CLNK: variants seen among roughly 807,000 people sequenced by gnomAD.
The protein encoded by CLNK is cytokine dependent hematopoietic cell linker, also known as cytokine-dependent hematopoietic cell linker.
In CLNK, 74 loss-of-function variants were observed where a neutral mutation model predicts 68.6. The observed-to-expected ratio is 1.08, with a 90% CI of 0.89 to 1.31. The LOEUF is 1.31. CLNK is among the 50% of genes most tolerant of loss of function. The probability of loss-of-function intolerance (pLI) is 0.00; values close to 1 mark genes in which losing one functional copy is unlikely to be tolerated. For missense variants in CLNK, 553 were observed against 515.3 expected (o/e 1.07, Z -0.71); for synonymous variants, 198 against 172.2 (o/e 1.15, Z -1.17).
chr4:10,614,559 C>T (rs1560242786), intron 2 of CLNK, among the ~76,000 whole-genome samples: 1 of 152,122 alleles, frequency 6.6e-6, no homozygotes, highest in Non-Finnish European at 1.5e-5. Flanking sequence ...AAGTGTGGTT[C>T]CCAGACCAGC....
intron 18 of CLNK, among the ~76,000 whole-genome samples, chr4:10,491,948 C>G (rs1164952049): frequency 6.6e-6 from 1 of 152,094 alleles, no homozygotes; most frequent in Non-Finnish European, 1.5e-5. Context: ...CCTCTCTGAG[C>G]CTTCAATGTC....
chr4:10,634,356 C>A (rs1300693429), intron 2 of CLNK, among the ~76,000 whole-genome samples: 2 of 152,206 alleles, frequency 1.3e-5, no homozygotes, highest in African/African-American at 4.8e-5. Context: ...AGGCTGGAGA[C>A]CCCACTGTTT....
chr4:10,582,979 T>C (rs1720836657), intron 4 of CLNK, among the ~76,000 whole-genome samples: 2 of 152,206 alleles, frequency 1.3e-5, no homozygotes, highest in Admixed American at 1.3e-4. Context: ...TATCAACATA[T>C]CCATGGCAAT....
chr4:10,605,268 A>G (rs1347117083), intron 2 of CLNK, among the ~76,000 whole-genome samples: 1 of 152,174 alleles, frequency 6.6e-6, no homozygotes, highest in Non-Finnish European at 1.5e-5. Flanking sequence ...ATGTATATAC[A>G]GTGACACATC....
At chr4:10,577,120 T>G (rs994642493) in intron 4 of CLNK, among the ~76,000 whole-genome samples, 12 of 152,126 alleles carry the variant, frequency 7.9e-5, no homozygotes, top group Admixed American at 3.9e-4. Context: ...CCTGCAGAGG[T>G]TTAGCACTCT....
intron 2 of CLNK, among the ~76,000 whole-genome samples, chr4:10,610,232 A>AT (rs1721959270): frequency 6.8e-6 from 1 of 146,476 alleles, no homozygotes; most frequent in Non-Finnish European, 1.5e-5. Context: ...AATTTTTTGT[A>AT]TTTTTAGTAG....
At chr4:10,524,188 A>G (rs1450468105) in intron 14 of CLNK, among the ~76,000 whole-genome samples, 4 of 152,112 alleles carry the variant, frequency 2.6e-5, no homozygotes, top group Non-Finnish European at 5.9e-5. Flanking sequence ...ACAGTCCCCA[A>G]AGCACAATGA....
chr4:10,686,996 G>T (rs771878332), upstream of CLNK, among the ~76,000 whole-genome samples: 2 of 152,022 alleles, frequency 1.3e-5, no homozygotes, highest in Non-Finnish European at 2.9e-5. Flanking sequence ...AATACAATTA[G>T]ATAAGAGATA....
intron 14 of CLNK, among the ~76,000 whole-genome samples, chr4:10,521,358 G>A (rs1010328824): frequency 2.6e-5 from 4 of 152,144 alleles, no homozygotes; most frequent in East Asian, 1.9e-4. Flanking sequence ...ATAACAATAT[G>A]CATTTCTAAA....
At chr4:10,625,747 CAG>C (rs1722642791) in intron 2 of CLNK, among the ~76,000 whole-genome samples, 1 of 151,894 alleles carries the variant, frequency 6.6e-6, no homozygotes, top group African/African-American at 2.4e-5. Flanking sequence ...AATAGAGAGA[CAG>C]AGAGTGACAG....
chr4:10,516,204 A>G (rs997075164), intron 15 of CLNK, among the ~76,000 whole-genome samples: 1 of 152,194 alleles, frequency 6.6e-6, no homozygotes, highest in Non-Finnish European at 1.5e-5. Flanking sequence ...ATATATAAAC[A>G]TTATGTAAGT....
At chr4:10,574,956 A>G (rs957027499) in intron 4 of CLNK, among the ~76,000 whole-genome samples, 1 of 152,164 alleles carries the variant, frequency 6.6e-6, no homozygotes, top group Non-Finnish European at 1.5e-5. Flanking sequence ...TGAAAGGGAC[A>G]GGAATTGCTC....
At chr4:10,509,498 G>T (rs1472015490) in intron 16 of CLNK, among the ~76,000 whole-genome samples, 4 of 150,238 alleles carry the variant, frequency 2.7e-5, no homozygotes, top group Non-Finnish European at 3.0e-5. Flanking sequence ...GCATTCTTTT[G>T]CATCAAGATT....
Position 10,591,041 on chromosome 4 carries a change from G to A in CLNK, c.84-6086C>T, listed in dbSNP as rs1267299571. ...ACACATCTCTCCACCACTCAAAGGT[G>A]GAGCGTTTGCACCATGGAGCTGTGG... On this transcript the variant is annotated intron_variant, in intron 3 of 18. Coordinates refer to ENST00000226951, the MANE Select transcript of CLNK (RefSeq NM_052964.4). Among the ~76,000 whole-genome samples, 3 of 152,180 alleles carry A rather than the reference G, an allele frequency of 2.0e-5. No homozygotes were observed. The East Asian group carries it at 5.8e-4, about 29-fold the overall frequency.
At chr4:10,712,038 A>G in the CLNK span, among the ~76,000 whole-genome samples, 1 of 152,226 alleles carries the variant, frequency 6.6e-6, no homozygotes. Flanking sequence ...CAGAAAGTTC[A>G]AAGTAGGTGA....
At chr4:10,560,364 G>T (rs556496483) in intron 7 of CLNK, among the ~76,000 whole-genome samples, 4 of 152,122 alleles carry the variant, frequency 2.6e-5, no homozygotes, top group Non-Finnish European at 5.9e-5. Context: ...CCACCTAAGG[G>T]GTCTAGACAA....
At chr4:10,607,665 A>G (rs1482065501) in intron 2 of CLNK, among the ~76,000 whole-genome samples, 1 of 152,212 alleles carries the variant, frequency 6.6e-6, no homozygotes, top group African/African-American at 2.4e-5. Context: ...AAGCAGCTGC[A>G]GCATTAGGGA....
chr4:10,585,230 C>T (rs879755564), intron 3 of CLNK, among the ~76,000 whole-genome samples: 3 of 152,170 alleles, frequency 2.0e-5, no homozygotes, highest in East Asian at 1.9e-4. Context: ...TAGCTGTATA[C>T]GTACCTGAAG....
At chr4:10,699,494 C>CTATATATATA in the CLNK span, among the ~76,000 whole-genome samples, 35 of 56,970 alleles carry the variant, frequency 6.1e-4, no homozygotes, top group East Asian at 1.6e-3. Flanking sequence ...CTCTCTCTCT[C>CTATATATATA]TATATATATA....
Sources: allele counts gnomAD v4.1 joint callset (sites outside exome capture counted in the v4.1 genomes callset), GRCh38; gene constraint gnomAD v4.1.1; transcripts MANE v1.5; gene names NCBI Gene and HGNC (gene_info 2026-07-23, HGNC 2026-07-21).